Variants in NAALADL2 observed in about 807,000 individuals in gnomAD.
NAALADL2 encodes the protein inactive N-acetylated-alpha-linked acidic dipeptidase-like protein 2.
A neutral mutation model predicts 87.2 loss-of-function variants in NAALADL2; 76 were observed. That is an observed-to-expected ratio of 0.87 (90% CI 0.72 to 1.05). The LOEUF is 1.05. Among genes scored for constraint, NAALADL2 ranks in the 50% least tolerant of loss-of-function variants. The pLI is 0.00. For synonymous variants in NAALADL2, 354 were observed against 331.0 expected, an observed-to-expected ratio of 1.07 and a Z score of -0.75; for missense variants, 1,089 against 945.8, an observed-to-expected ratio of 1.15 and a Z score of -1.99.
chr3:175,622,976 A>G lies in NAALADL2; in HGVS notation c.1801-4315A>G, dbSNP rs190956033. ...ATCCCATTAAAAAGGTGATAAGAAG[A>G]TGTTGTGAACAATTTGAAAACAATA... On this transcript the variant is annotated intron_variant, in intron 10 of 13. Coordinates refer to ENST00000454872, the MANE Select transcript of NAALADL2 (RefSeq NM_207015.3). Among the ~76,000 whole-genome samples, 377 of 152,210 alleles carry G rather than the reference A, an allele frequency of 2.5e-3. 2 individuals carry two copies. Among genetic ancestry groups the G allele is most frequent in the African/African-American group, 4.2e-3 (174 of 41,570 alleles).
intron 10 of NAALADL2, among the ~76,000 whole-genome samples, chr3:175,579,267 T>A (rs772353725): frequency 1.3e-5 from 2 of 152,142 alleles, no homozygotes; most frequent in Non-Finnish European, 2.9e-5. Flanking sequence ...TTATATTCAA[T>A]TTCAACAAGT....
chr3:175,135,162 A>C (rs1331187908), intron 2 of NAALADL2, among the ~76,000 whole-genome samples: 1 of 152,184 alleles, frequency 6.6e-6, no homozygotes, highest in Non-Finnish European at 1.5e-5. Context: ...TATGCTTAAA[A>C]TCGCTGTAAG....
At chr3:174,607,476 A>G (rs2108628384) in intron 2 of NAALADL2, among the ~76,000 whole-genome samples, 1 of 150,508 alleles carries the variant, frequency 6.6e-6, no homozygotes, top group East Asian at 2.0e-4. Flanking sequence ...AGGAAGATCT[A>G]CCAAGCAAAT....
chr3:174,602,181 G>C (rs1454659610), intron 2 of NAALADL2, among the ~76,000 whole-genome samples: 1 of 152,008 alleles, frequency 6.6e-6, no homozygotes, highest in East Asian at 1.9e-4. Context: ...ATTTTGAAAG[G>C]GGTTGCATTA....
chr3:175,460,595 T>C (rs1223387993), intron 6 of NAALADL2, among the ~76,000 whole-genome samples: 1 of 152,144 alleles, frequency 6.6e-6, no homozygotes, highest in Non-Finnish European at 1.5e-5. Context: ...TCCATACAAA[T>C]GTTTAAGATC....
intron 4 of NAALADL2, among the ~76,000 whole-genome samples, chr3:175,305,739 A>G (rs969560074): frequency 6.6e-6 from 1 of 151,930 alleles, no homozygotes; most frequent in Non-Finnish European, 1.5e-5. Flanking sequence ...TCAGGCTGGT[A>G]TCAAACTCCT....
Position 174,544,009 on chromosome 3 carries a change from C to CA in NAALADL2, c.-183-6547dup, listed in dbSNP as rs5854580. 1.3e-3 allele frequency among the ~76,000 whole-genome samples: 179 copies of CA among 134,872 alleles called. 1 individual carries two copies. The highest frequency in any genetic ancestry group is 7.4e-3 in the Middle Eastern group (2 of 270). The allele number at this position is 134,872 out of a possible 152,430, so 88.5% of individuals were successfully genotyped here. A position where few individuals can be genotyped will look rare whatever the true frequency, so the allele number is the denominator to read the frequency against. ...GGTGACAAGAGTGAGACTCTGTCTC[C>CA]AAAAAAAAAAAAAGAAAAGAAAGGC... On this transcript the variant is annotated intron_variant, in intron 1 of 3. Coordinates refer to the NAALADL2 transcript ENST00000434257.
chr3:174,958,925 A>G (rs1175405103), intron 1 of NAALADL2, among the ~76,000 whole-genome samples: 2 of 152,038 alleles, frequency 1.3e-5, no homozygotes, highest in Non-Finnish European at 2.9e-5. Flanking sequence ...CAGTGCAATC[A>G]ATTGTTTATG....
At chr3:175,537,581 G>C (rs1008800088) in intron 9 of NAALADL2, among the ~76,000 whole-genome samples, 1 of 152,106 alleles carries the variant, frequency 6.6e-6, no homozygotes, top group African/African-American at 2.4e-5. Context: ...ACATCAAAAA[G>C]TTGACTTAGA....
At chr3:174,689,389 C>A (rs371556166) in intron 2 of NAALADL2, among the ~76,000 whole-genome samples, 6 of 130,892 alleles carry the variant, frequency 4.6e-5, no homozygotes, top group Admixed American at 7.6e-5. Flanking sequence ...CTCTACCCCC[C>A]GCTTCACCTT....
chr3:175,624,478 T>A (rs559232748), intron 10 of NAALADL2, among the ~76,000 whole-genome samples: 2 of 152,226 alleles, frequency 1.3e-5, no homozygotes, highest in East Asian at 3.9e-4. Flanking sequence ...TTCAAAATAT[T>A]AATTAAAGGC....
intron 3 of NAALADL2, among the ~76,000 whole-genome samples, chr3:174,768,304 T>G (rs1714108227): frequency 6.6e-6 from 1 of 152,194 alleles, no homozygotes; most frequent in East Asian, 1.9e-4. Context: ...TAATAATATC[T>G]TTAGCTGGGA....
upstream of NAALADL2, among the ~76,000 whole-genome samples, chr3:174,856,656 G>C (rs1028680683): frequency 3.3e-5 from 5 of 152,146 alleles, no homozygotes; most frequent in South Asian, 2.1e-4. Context: ...TGGCAATTCA[G>C]ATATGCCAGA....
intron 1 of NAALADL2, among the ~76,000 whole-genome samples, chr3:174,987,376 C>T (rs948487169): frequency 8.0e-5 from 12 of 150,174 alleles, no homozygotes; most frequent in Non-Finnish European, 1.6e-4. Context: ...GAGACCATCC[C>T]GGCTAAAACG....
At chr3:174,883,064 G>A (rs1729628474) in intron 1 of NAALADL2, among the ~76,000 whole-genome samples, 1 of 152,002 alleles carries the variant, frequency 6.6e-6, no homozygotes, top group South Asian at 2.1e-4. Context: ...TTCAAGGGCA[G>A]GAAGCATCCA....
intron 13 of NAALADL2, among the ~76,000 whole-genome samples, chr3:175,790,045 G>A (rs1257236194): frequency 6.6e-6 from 1 of 151,998 alleles, no homozygotes; most frequent in Non-Finnish European, 1.5e-5. Flanking sequence ...GGAAAAGCAG[G>A]GGACTTAGAA....
intron 1 of NAALADL2, among the ~76,000 whole-genome samples, chr3:175,077,478 T>C (rs1239167906): frequency 6.6e-6 from 1 of 152,176 alleles, no homozygotes; most frequent in African/African-American, 2.4e-5. Context: ...AAAATATGTA[T>C]GGGAAATCAG....
chr3:174,798,221 T>C (rs1210202331), intron 3 of NAALADL2, among the ~76,000 whole-genome samples: 1 of 152,242 alleles, frequency 6.6e-6, no homozygotes, highest in Non-Finnish European at 1.5e-5. Flanking sequence ...TCTATCTTCA[T>C]GCCAGTACTA....
rs1427695019 is a variant in NAALADL2, at chr3:175,227,957, G to C, written c.546-5974G>C. ...ATCTTAGGAAGACTACAATTTAAGA[G>C]TTATTTTTAAACTTATGATTAACTA... On this transcript the variant is annotated intron_variant, in intron 2 of 13. Transcript: ENST00000454872. Among the ~76,000 whole-genome samples, 4 of 151,966 alleles carry C rather than the reference G, an allele frequency of 2.6e-5. No individual in the cohort carries two copies. The South Asian group carries it at 8.3e-4, about 32-fold the overall frequency.
Sources: gnomAD v4.1 joint callset for allele counts (sites outside exome capture counted in the v4.1 genomes callset) on GRCh38, gnomAD v4.1.1 for gene constraint, MANE v1.5 for transcripts, NCBI Gene and HGNC (gene_info 2026-07-23, HGNC 2026-07-21) for gene names.